The following ANK2 variants were observed in gnomAD, a reference collection of about 807,000 sequenced individuals.
ANK2 encodes the protein ankyrin-2.
In ANK2, 83 loss-of-function variants were observed where a neutral mutation model predicts 360.5. That is an observed-to-expected ratio of 0.23 (90% confidence interval 0.19 to 0.28). ANK2 has a LOEUF of 0.28. ANK2 is among the 10% of genes least tolerant of loss of function. ANK2 has a pLI of 1.00. For synonymous variants in ANK2, 1,740 were observed against 1,759.5 expected (o/e 0.99, Z 0.28); for missense variants, 4,201 against 4,795.7 (o/e 0.88, Z 3.66).
chr4:112,758,309 T>G, the ANK2 span, among the ~76,000 whole-genome samples: 3 of 152,320 alleles, frequency 2.0e-5, no homozygotes, highest in East Asian at 5.8e-4. Context: ...TAAAATTTAT[T>G]CATTTAATTT....
intron 2 of ANK2, among the ~76,000 whole-genome samples, chr4:112,958,349 C>T (rs979068368): frequency 2.0e-5 from 3 of 152,192 alleles, no homozygotes; most frequent in African/African-American, 7.2e-5. Flanking sequence ...CCCGGCACCT[C>T]GGGAGGCCGA....
the ANK2 span, among the ~76,000 whole-genome samples, chr4:112,715,910 G>A: frequency 1.3e-5 from 2 of 152,228 alleles, no homozygotes; most frequent in Non-Finnish European, 2.9e-5. Flanking sequence ...GCAACAAAGC[G>A]AGACTCCCAT....
intron 4 of ANK2, among the ~76,000 whole-genome samples, chr4:113,202,278 CACAGATGTTATTT>C (rs1325646973): frequency 1.3e-5 from 2 of 152,044 alleles, no homozygotes; most frequent in Non-Finnish European, 2.9e-5. Flanking sequence ...TGAGTTCCTC[CACAGATGTTATTT>C]CCCTCAGTAC....
At chr4:113,342,436 C>T (rs186302074) in intron 33 of ANK2, among the ~76,000 whole-genome samples, 7 of 152,194 alleles carry the variant, frequency 4.6e-5, no homozygotes, top group African/African-American at 1.7e-4. Flanking sequence ...TGTGGTGGTT[C>T]ACGCCTGTAT....
chr4:112,735,513 C>T, the ANK2 span, among the ~76,000 whole-genome samples: 1 of 152,090 alleles, frequency 6.6e-6, no homozygotes, highest in Non-Finnish European at 1.5e-5. Flanking sequence ...CTGTCTCTAC[C>T]TGTCAACATT....
chr4:112,777,407 T>G, the ANK2 span, among the ~76,000 whole-genome samples: 2 of 151,686 alleles, frequency 1.3e-5, no homozygotes, highest in Non-Finnish European at 2.9e-5. Context: ...TCCAGCTAAT[T>G]TTTTGTATTT....
intron 1 of ANK2, among the ~76,000 whole-genome samples, chr4:112,896,530 A>G (rs1310986903): frequency 6.6e-6 from 1 of 152,224 alleles, no homozygotes; most frequent in Non-Finnish European, 1.5e-5. Flanking sequence ...TTCTCAGCTT[A>G]TTGAGATTTC....
chr4:113,300,249 G>A (rs2074252185), intron 22 of ANK2, among the ~76,000 whole-genome samples: 1 of 152,082 alleles, frequency 6.6e-6, no homozygotes, highest in Non-Finnish European at 1.5e-5. Flanking sequence ...GAAATATGCA[G>A]GCAAGCTGAA....
chr4:112,914,096 C>T (rs528134918), intron 2 of ANK2, among the ~76,000 whole-genome samples: 79 of 152,252 alleles, frequency 5.2e-4, no homozygotes, highest in African/African-American at 1.8e-3. Context: ...GCTTCTGTAA[C>T]TTGTTTGGGT....
intron 1 of ANK2, chr4:113,160,287 A>G: frequency 2.5e-6 from 1 of 395,828 alleles, no homozygotes; most frequent in South Asian, 1.9e-5. Context: ...CTGGTCTCAA[A>G]CTCCTGGAGC....
At chr4:112,792,635 A>C in the ANK2 span, among the ~76,000 whole-genome samples, 1 of 152,198 alleles carries the variant, frequency 6.6e-6, no homozygotes, top group Non-Finnish European at 1.5e-5. Flanking sequence ...ATTTTATATA[A>C]CTATAGCAGA....
intron 43 of ANK2, among the ~76,000 whole-genome samples, chr4:113,371,656 A>G (rs1206459220): frequency 3.3e-5 from 5 of 152,122 alleles, no homozygotes; most frequent in Non-Finnish European, 5.9e-5. Context: ...CATAACCCTA[A>G]CTTGGGCATC....
chr4:113,145,867 A>C (rs1305069559), intron 1 of ANK2: 6 of 1,289,632 alleles, frequency 4.7e-6, no homozygotes, highest in Non-Finnish European at 5.1e-6. Context: ...TGTAGAGCTG[A>C]GATGGGGAAT....
At chr4:112,896,046 C>A (rs1323509642) in intron 1 of ANK2, among the ~76,000 whole-genome samples, 2 of 152,204 alleles carry the variant, frequency 1.3e-5, no homozygotes, top group African/African-American at 2.4e-5. Context: ...CCACCCGCCA[C>A]CCTACTGCTT....
At chr4:112,759,367 ACTC>A in the ANK2 span, among the ~76,000 whole-genome samples, 1 of 151,964 alleles carries the variant, frequency 6.6e-6, no homozygotes, top group Non-Finnish European at 1.5e-5. Context: ...CTGGTCTCAA[ACTC>A]CTGGCTTCAA....
the ANK2 span, among the ~76,000 whole-genome samples, chr4:112,714,458 C>T: frequency 6.6e-6 from 1 of 152,222 alleles, no homozygotes; most frequent in Non-Finnish European, 1.5e-5. Context: ...GCTGGGATTA[C>T]AGGCGTGAGC....
chr4:113,022,688 G>T (rs1025182725), intron 2 of ANK2, among the ~76,000 whole-genome samples: 3 of 152,144 alleles, frequency 2.0e-5, no homozygotes, highest in Admixed American at 6.5e-5. Flanking sequence ...CAGCAGATTT[G>T]GTGTCATAAG....
intron 2 of ANK2, among the ~76,000 whole-genome samples, chr4:112,956,154 A>G (rs2154255879): frequency 6.6e-6 from 1 of 152,226 alleles, no homozygotes; most frequent in Admixed American, 6.5e-5. Flanking sequence ...TTTGCCTTTT[A>G]CCTACAAATT....
chr4:112,918,976 A>C (rs979524613), intron 2 of ANK2, among the ~76,000 whole-genome samples: 1 of 152,194 alleles, frequency 6.6e-6, no homozygotes, highest in African/African-American at 2.4e-5. Context: ...ACCCCTGATT[A>C]CTTCTGCTTT....
Sources: allele counts gnomAD v4.1 joint callset (sites outside exome capture counted in the v4.1 genomes callset), GRCh38; gene constraint gnomAD v4.1.1; transcripts MANE v1.5; gene names NCBI Gene and HGNC (gene_info 2026-07-23, HGNC 2026-07-21).